The following GSE1 variants were observed in gnomAD, a reference collection of about 807,000 sequenced individuals.
GSE1 encodes the protein Gse1 coiled-coil protein.
GSE1 carries 32 observed loss-of-function variants against 112.6 expected under a neutral mutation model. The observed-to-expected ratio is 0.28, with a 90% CI of 0.21 to 0.38. The LOEUF (loss-of-function observed/expected upper bound fraction) is 0.38. Among genes scored for constraint, GSE1 ranks in the 10% least tolerant of loss-of-function variants. GSE1 has a pLI of 1.00. For synonymous variants in GSE1, 1,115 were observed against 735.6 expected (o/e 1.52, Z -8.35); for missense variants, 2,348 against 1,699.2 (o/e 1.38, Z -6.71).
intron 1 of GSE1, among the ~76,000 whole-genome samples, chr16:85,307,955 T>G (rs2151475106): frequency 6.6e-6 from 1 of 152,304 alleles, no homozygotes; most frequent in Non-Finnish European, 1.5e-5. Flanking sequence ...GGAATTTGGA[T>G]TCAGCTGTGA....
chr16:85,475,726 A>T (rs1217099703), intron 2 of GSE1, among the ~76,000 whole-genome samples: 2 of 151,720 alleles, frequency 1.3e-5, no homozygotes, highest in African/African-American at 4.9e-5. Context: ...TTGTACTGGG[A>T]AGAAAGAGGA....
intron 2 of GSE1, among the ~76,000 whole-genome samples, chr16:85,495,679 T>G (rs915167627): frequency 6.6e-6 from 1 of 151,926 alleles, no homozygotes; most frequent in Admixed American, 6.6e-5. Context: ...AAATTTTTAG[T>G]AGAGATGGGG....
chr16:85,261,651 C>T lies in GSE1; in HGVS notation c.2283+89844C>T, dbSNP rs544933284. The stretch of plus-strand genomic sequence containing the variant: ...GGGCTGGGCATTGATGGGTTCCCGA[C>T]CATCTTGAGGCCACTGACTTTCGGC... On this transcript the variant is annotated intron_variant, in intron 1 of 2. Transcript: ENST00000637419. 1.6e-3 allele frequency among the ~76,000 whole-genome samples: 238 copies of T among 152,290 alleles called. 1 individual carries two copies. Among genetic ancestry groups the T allele is most frequent in the African/African-American group, 5.6e-3 (232 of 41,554 alleles).
chr16:85,267,553 C>T (rs889403044), intron 1 of GSE1, among the ~76,000 whole-genome samples: 3 of 152,108 alleles, frequency 2.0e-5, no homozygotes, highest in Non-Finnish European at 2.9e-5. Flanking sequence ...CCACCCCCTG[C>T]GAGCTTGCAT....
intron 2 of GSE1, among the ~76,000 whole-genome samples, chr16:85,436,963 G>A (rs1264548682): frequency 1.3e-5 from 2 of 152,224 alleles, no homozygotes; most frequent in Non-Finnish European, 2.9e-5. Flanking sequence ...GGGATGGGGA[G>A]GGGAGGTTAC....
chr16:85,505,283 G>A (rs541286511), intron 2 of GSE1, among the ~76,000 whole-genome samples: 16 of 152,270 alleles, frequency 1.1e-4, no homozygotes, highest in African/African-American at 3.6e-4. Context: ...GGCCTGCCAT[G>A]CGATCAGGGA....
chr16:85,516,898 C>T (rs1227259079), intron 2 of GSE1, among the ~76,000 whole-genome samples: 8 of 151,688 alleles, frequency 5.3e-5, no homozygotes, highest in East Asian at 1.9e-4. Flanking sequence ...CCCGGGTTCA[C>T]GCCATTCTCC....
chr16:85,281,836 G>A (rs1343008419), intron 1 of GSE1, among the ~76,000 whole-genome samples: 1 of 152,026 alleles, frequency 6.6e-6, no homozygotes, highest in East Asian at 1.9e-4. Flanking sequence ...CAGGAGCTCT[G>A]GAAGCAAAGC....
At chr16:85,226,689 T>C (rs1429392803) in intron 1 of GSE1, among the ~76,000 whole-genome samples, 2 of 151,690 alleles carry the variant, frequency 1.3e-5, no homozygotes, top group Non-Finnish European at 2.9e-5. Flanking sequence ...ACTGGCATGA[T>C]GGGTGTCCCC....
chr16:85,378,410 G>A (rs1480447587), intron 2 of GSE1, among the ~76,000 whole-genome samples: 1 of 152,144 alleles, frequency 6.6e-6, no homozygotes, highest in Non-Finnish European at 1.5e-5. Flanking sequence ...TGGCAGTGTG[G>A]GCATGTGTGG....
chr16:85,316,816 T>C (rs1290549348), intron 1 of GSE1, among the ~76,000 whole-genome samples: 1 of 152,166 alleles, frequency 6.6e-6, no homozygotes, highest in East Asian at 1.9e-4. Flanking sequence ...TGATGGGGTG[T>C]CAGGGGCTGA....
exon 1 of GSE1, chr16:85,171,067 C>T (rs1379328311): frequency 1.1e-5 from 11 of 985,870 alleles, no homozygotes; most frequent in Non-Finnish European, 1.3e-5. Flanking sequence ...CTTCCTCAGC[C>T]TCCTGCCCTG....
At chr16:85,648,203 A>C (rs79563461) in intron 2 of GSE1, among the ~76,000 whole-genome samples, 7,190 of 150,554 alleles carry the variant, frequency 0.048, 567 homozygotes, top group African/African-American at 0.17. Context: ...TTCGTCTCTC[A>C]CTCAGGGACG....
At chr16:85,437,430 G>C (rs1430985747) in intron 2 of GSE1, among the ~76,000 whole-genome samples, 1 of 152,168 alleles carries the variant, frequency 6.6e-6, no homozygotes, top group African/African-American at 2.4e-5. Flanking sequence ...CTGCTGGACC[G>C]GGAGGCAGCC....
chr16:85,475,524 A>G (rs1026190171), intron 2 of GSE1, among the ~76,000 whole-genome samples: 14 of 152,238 alleles, frequency 9.2e-5, no homozygotes, highest in African/African-American at 3.1e-4. Context: ...ATTGTGCCAA[A>G]GAGTGATGAT....
chr16:85,475,514 A>G (rs534520206), intron 2 of GSE1, among the ~76,000 whole-genome samples: 1 of 152,328 alleles, frequency 6.6e-6, no homozygotes, highest in Admixed American at 6.5e-5. Flanking sequence ...GGATCCTGTA[A>G]TTGTGCCAAA....
At chr16:85,261,721 C>T (rs899615213) in intron 1 of GSE1, among the ~76,000 whole-genome samples, 4 of 152,304 alleles carry the variant, frequency 2.6e-5, no homozygotes, top group African/African-American at 9.6e-5. Context: ...GATCATCCCA[C>T]GGTGGATGGC....
intron 1 of GSE1, among the ~76,000 whole-genome samples, chr16:85,621,952 A>G (rs2048769190): frequency 6.6e-6 from 1 of 152,092 alleles, no homozygotes; most frequent in Admixed American, 6.5e-5. Context: ...GAACTTTGTT[A>G]CCAGTCTTGG....
At chr16:85,171,315 G>A (rs2074355514) in exon 1 of GSE1, 1 of 985,390 alleles carries the variant, frequency 1.0e-6, no homozygotes, top group African/African-American at 1.7e-5. Flanking sequence ...ACATCTGTGG[G>A]GCTGAGCTGG....
Sources: allele counts gnomAD v4.1 joint callset (sites outside exome capture counted in the v4.1 genomes callset), GRCh38; gene constraint gnomAD v4.1.1; transcripts MANE v1.5; gene names NCBI Gene and HGNC (gene_info 2026-07-23, HGNC 2026-07-21).